The following IPO5 variants were observed in gnomAD, a reference collection of about 807,000 sequenced individuals.
The protein encoded by IPO5 is importin-5.
A neutral mutation model predicts 143.3 loss-of-function variants in IPO5; 18 were observed. That is an observed-to-expected ratio of 0.13 (90% CI 0.09 to 0.19). The LOEUF is 0.19. Ranked by LOEUF, IPO5 falls within the 10% of genes least tolerant of loss-of-function variation. The pLI, the probability that IPO5 is intolerant of heterozygous loss-of-function variation, is 1.00. For synonymous variants in IPO5, 477 were observed against 465.7 expected (o/e 1.02, Z -0.31); for missense variants, 1,013 against 1,336.9 (o/e 0.76, Z 3.78).
At chr13:98,001,357 G>A (rs928559455) in intron 13 of IPO5, among the ~76,000 whole-genome samples, 2 of 151,826 alleles carry the variant, frequency 1.3e-5, no homozygotes, top group African/African-American at 4.8e-5. Flanking sequence ...TTGTTTTTTG[G>A]TGGAATCTCG....
intron 2 of IPO5, among the ~76,000 whole-genome samples, chr13:97,963,745 T>C (rs905459269): frequency 1.3e-5 from 2 of 152,190 alleles, no homozygotes; most frequent in African/African-American, 4.8e-5. Flanking sequence ...ACTGCTTTGG[T>C]TACTCAGAGT....
Position 98,014,149 on chromosome 13 carries a change from A to T in IPO5, c.2260A>T (p.Ile754Phe), listed in dbSNP as rs778360219. ...QMWHFMCDAL[I>F]KAIGTEPDSD... is the part of the protein sequence containing the mutation. ...GTGGCATTTTATGTGTGATGCTCTA[A>T]TTAAGGCCATTGGTACAGAACCAGA... The change falls in exon 22 of 29, where the codon ATT becomes TTT. Residue 754 changes from isoleucine to phenylalanine, a missense_variant. Physicochemically the swap from Ile to Phe is conservative, Grantham distance 21 (BLOSUM62 0). This residue lies in a region of IPO5 where 685 missense variants were observed against 994.9 expected (regional missense o/e 0.69). Coordinates refer to ENST00000651721, the MANE Select transcript of IPO5 (RefSeq NM_002271.6). 1 of 1,613,714 alleles carries T rather than the reference A, an allele frequency of 6.2e-7. No individual in the cohort carries two copies. The highest frequency in any genetic ancestry group is 8.5e-7 in the Non-Finnish European group (1 of 1,179,628).
chr13:98,010,798 T>TTTTTTTTTTTTTTTTTTGG (rs1555311050), intron 20 of IPO5, among the ~76,000 whole-genome samples: 1 of 143,662 alleles, frequency 7.0e-6, no homozygotes, highest in African/African-American at 2.7e-5. Context: ...TTTTTTTTTT[T>TTTTTTTTTTTTTTTTTTGG]GAGGTGGAGT....
intron 2 of IPO5, among the ~76,000 whole-genome samples, chr13:97,969,153 G>GTGTATATATATA (rs1372203348): frequency 1.6e-5 from 1 of 63,452 alleles, no homozygotes; most frequent in South Asian, 7.2e-4. Flanking sequence ...TTTCTGCTAA[G>GTGTATATATATA]TATATATATA....
rs7336960 is a variant in IPO5 at position 97,965,189 on chromosome 13, G to T, written c.-112-4534G>T. Among the ~76,000 whole-genome samples, 1,343 of 152,184 alleles carry T rather than the reference G, an allele frequency of 8.8e-3. 21 individuals carry two copies. Among genetic ancestry groups the T allele is most frequent in the African/African-American group, 0.03 (1,237 of 41,520 alleles). ...GGAACATCACACACCAGGGCCTGTC[G>T]GGGGGTGGGGGACAAGGGAAGGGAG... is the stretch of plus-strand genomic sequence containing the variant. On this transcript the variant is annotated intron_variant, in intron 2 of 28. Transcript: ENST00000651721.
At chr13:97,968,165 T>G (rs986641345) in intron 2 of IPO5, among the ~76,000 whole-genome samples, 1 of 152,236 alleles carries the variant, frequency 6.6e-6, no homozygotes, top group Admixed American at 6.5e-5. Flanking sequence ...TTTAGGAGTA[T>G]GCAGTTTAAT....
chr13:97,987,702 C>T (rs1887487154), intron 6 of IPO5, among the ~76,000 whole-genome samples: 1 of 152,132 alleles, frequency 6.6e-6, no homozygotes, highest in African/African-American at 2.4e-5. Context: ...TGGGTTTCAC[C>T]CTGTTTGCCA....
intron 20 of IPO5, 88 bp downstream of exon 20, chr13:98,010,312 C>A: frequency 8.5e-7 from 1 of 1,181,890 alleles, no homozygotes; most frequent in Non-Finnish European, 1.2e-6. Context: ...AAAGAAATTA[C>A]TTTGGAGAGC....
chr13:98,023,224 CT>C lies in IPO5; in HGVS notation c.*1403del, dbSNP rs1158354306. On this transcript the variant is annotated 3_prime_UTR_variant, in exon 29 of 29. Coordinates refer to ENST00000651721, the MANE Select transcript of IPO5 (RefSeq NM_002271.6). ...CACCATTGCCCGGAGGCTTCCGAAT[CT>C]AGCAAAGCAGCATATTAAATGACTC... 1 of 152,392 alleles carries C rather than the reference CT, an allele frequency of 6.6e-6. No individual in the cohort carries two copies. Among genetic ancestry groups the C allele is most frequent in the Non-Finnish European group, 1.5e-5 (1 of 68,046 alleles). The allele number at this position is 152,392 out of a possible 1,614,324, so 9.4% of individuals were successfully genotyped here.
At chr13:98,004,551 G>A (rs1284381248) in intron 16 of IPO5, among the ~76,000 whole-genome samples, 1 of 152,188 alleles carries the variant, frequency 6.6e-6, no homozygotes, top group Non-Finnish European at 1.5e-5. Context: ...TTCCTGCAGT[G>A]AGGCACTATA....
At chr13:97,968,145 G>T (rs553712128) in intron 2 of IPO5, among the ~76,000 whole-genome samples, 1 of 152,082 alleles carries the variant, frequency 6.6e-6, no homozygotes, top group South Asian at 2.1e-4. Flanking sequence ...CTTCTTTGAC[G>T]CACTTGTTAT....
At chr13:97,997,475 T>C (rs1888393863) in intron 11 of IPO5, 56 bp from the exon 12 acceptor site, 1 of 883,854 alleles carries the variant, frequency 1.1e-6, no homozygotes. Context: ...TTATAAATAG[T>C]GATATGGATA....
chr13:98,010,187 C>A lies in IPO5; in HGVS notation c.2018C>A (p.Ala673Glu). ...CAGCAAAGCTTTGGTATTAAAACTG[C>A]AGGACTAGAAGAAAAATCAACTGCT... ...GDQQSFGIKT[A>E]GLEEKSTACQ... Residue 673 changes from alanine to glutamate, a missense_variant, in exon 20 of 29, where the codon GCA (alanine) becomes GAA (glutamate). Physicochemically the swap from Ala to Glu is moderately radical, Grantham distance 107. Coordinates refer to ENST00000651721, the MANE Select transcript of IPO5 (RefSeq NM_002271.6). The A allele has an allele frequency of 6.2e-7, 1 of 1,613,940 alleles. No homozygotes were observed. The highest frequency in any genetic ancestry group is 8.5e-7 in the Non-Finnish European group (1 of 1,179,880).
At position 97,982,597 on chromosome 13, in the gene IPO5, A is replaced by G; in HGVS notation, c.171+14A>G. On this transcript the variant is annotated intron_variant, in intron 5 of 28. Transcript: ENST00000651721. ...GCTGCTGAAGAGGTACTACCTTAATATTTGTGACTATTACATTCTTAGAAA... is the reference window on the plus strand; with the variant it reads ...GCTGCTGAAGAGGTACTACCTTAATGTTTGTGACTATTACATTCTTAGAAA... 2.1e-6 allele frequency: 3 copies of G among 1,425,254 alleles called. No homozygotes were observed. The East Asian group carries it at 6.8e-5, about 33-fold the overall frequency. The allele number at this position is 1,425,254 out of a possible 1,614,324, so 88.3% of individuals were successfully genotyped here.
intron 11 of IPO5, among the ~76,000 whole-genome samples, chr13:97,996,569 C>G (rs1888305725): frequency 6.6e-6 from 1 of 152,110 alleles, no homozygotes; most frequent in Non-Finnish European, 1.5e-5. Context: ...ATAGTTTATG[C>G]AACAGCTGTG....
chr13:97,971,356 G>T (rs1378898812), intron 3 of IPO5, among the ~76,000 whole-genome samples: 1 of 152,118 alleles, frequency 6.6e-6, no homozygotes, highest in Non-Finnish European at 1.5e-5. Flanking sequence ...CTTCAGAGCA[G>T]GAACTTGAAA....
At chr13:98,021,517 T>C (rs1890485167) in intron 28 of IPO5, 1 of 399,226 alleles carries the variant, frequency 2.5e-6, no homozygotes. Context: ...GTTACCTGCT[T>C]AGTGTAGCTT....
chr13:97,988,023 A>ATG (rs1887515464), intron 6 of IPO5: 1 of 293,674 alleles, frequency 3.4e-6, no homozygotes. Flanking sequence ...ATTTAATGTC[A>ATG]GCTTAGCAGC....
chr13:98,019,207 C>T (rs561655882), intron 26 of IPO5, among the ~76,000 whole-genome samples: 1 of 152,252 alleles, frequency 6.6e-6, no homozygotes, highest in South Asian at 2.1e-4. Flanking sequence ...CCACCTCAGC[C>T]TCCCAAAGTG....
Sources: gnomAD v4.1 joint callset for allele counts (sites outside exome capture counted in the v4.1 genomes callset) on GRCh38, gnomAD v4.1.1 for gene constraint, gnomAD v4.1.1 regional missense constraint, MANE v1.5 for transcripts, NCBI Gene and HGNC (gene_info 2026-07-23, HGNC 2026-07-21) for gene names.